CPT1A: variants seen among roughly 807,000 people sequenced by gnomAD.
CPT1A encodes carnitine palmitoyltransferase 1A, also known as carnitine O-palmitoyltransferase 1, liver isoform.
A neutral mutation model predicts 100.8 loss-of-function variants in CPT1A; 64 were observed. The ratio of observed to expected loss-of-function variants is 0.63; its 90% CI spans 0.52 to 0.78. CPT1A has a LOEUF of 0.78. Among genes scored for constraint, CPT1A ranks in the 30% least tolerant of loss-of-function variants. CPT1A has a pLI of 0.00. For synonymous variants in CPT1A, 363 were observed against 396.0 expected (o/e 0.92, Z 0.99); for missense variants, 802 against 1,034.1 (o/e 0.78, Z 3.08).
At chr11:68,830,722 T>G (rs1856854466) in intron 1 of CPT1A, among the ~76,000 whole-genome samples, 2 of 152,198 alleles carry the variant, frequency 1.3e-5, no homozygotes, top group Non-Finnish European at 2.9e-5. Flanking sequence ...TGGGAAGTCT[T>G]CAGCTCTTTT....
intron 12 of CPT1A, among the ~76,000 whole-genome samples, chr11:68,780,428 C>G (rs1855273817): frequency 6.6e-6 from 1 of 152,206 alleles, no homozygotes; most frequent in African/African-American, 2.4e-5. Context: ...GGGCTACAGG[C>G]ATGCACCACC....
At chr11:68,783,553 C>G (rs1855373405) in intron 10 of CPT1A, among the ~76,000 whole-genome samples, 1 of 152,216 alleles carries the variant, frequency 6.6e-6, no homozygotes, top group Non-Finnish European at 1.5e-5. Context: ...AGAAGGGGCC[C>G]CAACACCTGC....
At position 68,804,060 on chromosome 11, in the gene CPT1A, G is replaced by A. The variant is rs139789100; in HGVS notation, c.495C>T (p.Tyr165=). ...GGCGAGGCAGCGATGTCTGGAAGCT[G>A]TACAACATGGGTTTTCGGCCTGAAA... ...KIFSGRKPML[Y]SFQTSLPRLP... The change falls in exon 5 of 19, where the codon TAC becomes TAT. Residue 165 remains tyrosine, a synonymous_variant. Transcript: ENST00000265641. 56 of 1,614,104 alleles carry A rather than the reference G, an allele frequency of 3.5e-5. No individual in the cohort carries two copies. Among genetic ancestry groups the A allele is most frequent in the Middle Eastern group, 1.6e-4 (1 of 6,062 alleles).
At chr11:68,777,449 T>C (rs1244544992) in intron 12 of CPT1A, among the ~76,000 whole-genome samples, 1 of 151,966 alleles carries the variant, frequency 6.6e-6, no homozygotes, top group Admixed American at 6.6e-5. Context: ...AAAATAAAAA[T>C]AGAACAAGAA....
At chr11:68,761,746 A>G in intron 15 of CPT1A, 59 bp from the exon 16 acceptor site, 1 of 1,595,686 alleles carries the variant, frequency 6.3e-7, no homozygotes, top group Non-Finnish European at 8.6e-7. Flanking sequence ...GCAGTTACGG[A>G]TCTAAGTTAG....
At chr11:68,831,315 T>C (rs1017641) in intron 1 of CPT1A, among the ~76,000 whole-genome samples, 57,875 of 151,988 alleles carry the variant, frequency 0.38, 11,528 homozygotes, top group South Asian at 0.62. Flanking sequence ...GGCAGGTGGC[T>C]GAGGAAAGCA....
At chr11:68,839,662 G>T (rs1302336866) in intron 1 of CPT1A, 7 of 985,400 alleles carry the variant, frequency 7.1e-6, no homozygotes, top group Non-Finnish European at 8.4e-6. Context: ...CAGGCACCGC[G>T]CTCAAGAGCC....
At chr11:68,770,906 C>T (rs1416816032) in intron 14 of CPT1A, among the ~76,000 whole-genome samples, 2 of 152,238 alleles carry the variant, frequency 1.3e-5, no homozygotes, top group Non-Finnish European at 2.9e-5. Context: ...CGATCTCAGT[C>T]CTGCTGCGTA....
chr11:68,768,141 T>C (rs972749608), intron 14 of CPT1A, among the ~76,000 whole-genome samples: 1 of 128,320 alleles, frequency 7.8e-6, no homozygotes, highest in African/African-American at 2.9e-5. Flanking sequence ...AGTGGTGCGA[T>C]CTCGGCTCAC....
At chr11:68,797,252 C>T (rs1185340928) in intron 6 of CPT1A, among the ~76,000 whole-genome samples, 1 of 151,980 alleles carries the variant, frequency 6.6e-6, no homozygotes, top group African/African-American at 2.4e-5. Flanking sequence ...CCAGGCTAGG[C>T]AACATAGCAA....
intron 1 of CPT1A, among the ~76,000 whole-genome samples, chr11:68,819,087 C>CT (rs1383752265): frequency 6.6e-6 from 1 of 151,242 alleles, no homozygotes; most frequent in South Asian, 2.1e-4. Context: ...TCAAGGTTAA[C>CT]TTTTTTTTTG....
chr11:68,795,036 TTA>T (rs1257117096), intron 7 of CPT1A, 125 bp from the exon 8 acceptor site: 27 of 753,938 alleles, frequency 3.6e-5, no homozygotes, highest in Non-Finnish European at 6.2e-5. Context: ...ACATATTCGG[TTA>T]CATCTGCAAT....
chr11:68,783,069 C>T (rs998575329), intron 10 of CPT1A, among the ~76,000 whole-genome samples: 5 of 152,160 alleles, frequency 3.3e-5, no homozygotes, highest in East Asian at 1.9e-4. Flanking sequence ...CTCCTGCCGC[C>T]GCTCTTTCCA....
intron 1 of CPT1A, among the ~76,000 whole-genome samples, chr11:68,837,361 G>C (rs1246546397): frequency 6.6e-6 from 1 of 152,176 alleles, no homozygotes; most frequent in African/African-American, 2.4e-5. Context: ...AGTTTCTCCA[G>C]GGCATCAGAA....
chr11:68,806,560 C>T (rs149546436), intron 4 of CPT1A, among the ~76,000 whole-genome samples: 1,711 of 149,982 alleles, frequency 0.011, 24 homozygotes, highest in Middle Eastern at 0.086. Flanking sequence ...CCTAGGAAGT[C>T]GAGGCTGCAG....
At chr11:68,825,485 G>A (rs1342751819) in intron 1 of CPT1A, among the ~76,000 whole-genome samples, 1 of 152,132 alleles carries the variant, frequency 6.6e-6, no homozygotes. Context: ...AAAGGTTTCC[G>A]GGGCCAGAGC....
At chr11:68,817,171 TGTGTGTGTGTGG>T (rs1412289835) in intron 1 of CPT1A, among the ~76,000 whole-genome samples, 1 of 143,602 alleles carries the variant, frequency 7.0e-6, no homozygotes, top group Non-Finnish European at 1.5e-5. Flanking sequence ...GTGTGTGTGG[TGTGTGTGTGTGG>T]GTGTGTGTGC....
chr11:68,783,401 G>A lies in CPT1A; in HGVS notation c.1163+1414C>T, dbSNP rs748892946. Reference sequence around the variant, plus strand: ...GGCCCAGCTGCCCAGCCCACTCCACGGCTCCTGCCTGCTCTGCTACCCCGG... The same window carrying A: ...GGCCCAGCTGCCCAGCCCACTCCACAGCTCCTGCCTGCTCTGCTACCCCGG... On this transcript the variant is annotated intron_variant, in intron 10 of 18. Transcript: ENST00000265641. 2.6e-5 allele frequency among the ~76,000 whole-genome samples: 4 copies of A among 151,644 alleles called. No individual in the cohort carries two copies. In the South Asian group the frequency reaches 6.3e-4, roughly 24 times the overall value.
Position 68,764,973 on chromosome 11 carries a change from C to T in CPT1A, c.1741-2212G>A, listed in dbSNP as rs10160686. The stretch of plus-strand genomic sequence containing the variant: ...CCCCAACCCACAGATGCCACCAACC[C>T]TGGTGGCATGACACGACACTCAAGA... On this transcript the variant is annotated intron_variant, in intron 14 of 18. Transcript: ENST00000265641. Among the ~76,000 whole-genome samples the T allele has an allele frequency of 2.8e-3, 430 of 152,254 alleles. 2 individuals are homozygous for T. The highest frequency in any genetic ancestry group is 1.0e-2 in the African/African-American group (414 of 41,556).
Sources: gnomAD v4.1 joint callset for allele counts (sites outside exome capture counted in the v4.1 genomes callset) on GRCh38, gnomAD v4.1.1 for gene constraint, MANE v1.5 for transcripts, NCBI Gene and HGNC (gene_info 2026-07-23, HGNC 2026-07-21) for gene names.